Variants in CSMD2 observed in about 807,000 individuals in gnomAD.
CSMD2 encodes CUB and sushi domain-containing protein 2.
Under a neutral mutation model 398.5 loss-of-function variants are expected in CSMD2, and 130 were observed. The observed-to-expected ratio is 0.33, with a 90% CI of 0.28 to 0.38. The LOEUF is 0.38. CSMD2 is among the 10% of genes least tolerant of loss of function. The probability of loss-of-function intolerance (pLI) is 1.00; values close to 1 mark genes in which losing one functional copy is unlikely to be tolerated. For missense variants in CSMD2, 3,829 were observed against 4,764.9 expected, an observed-to-expected ratio of 0.80 and a Z score of 5.78; for synonymous variants, 1,828 against 1,908.5, an observed-to-expected ratio of 0.96 and a Z score of 1.10.
intron 26 of CSMD2, 73 bp from the exon 27 acceptor site, chr1:33,658,210 C>T (rs1329080514): frequency 2.0e-5 from 26 of 1,317,460 alleles, no homozygotes; most frequent in Non-Finnish European, 2.5e-5. Context: ...CAGCTCATCA[C>T]CCTCACTGAT....
intron 32 of CSMD2, among the ~76,000 whole-genome samples, chr1:33,631,364 G>A (rs940717091): frequency 1.3e-5 from 2 of 151,888 alleles, no homozygotes; most frequent in Non-Finnish European, 2.9e-5. Flanking sequence ...CAATAACCAT[G>A]GAAGAAAATA....
chr1:33,591,384 T>G (rs1221274839), intron 44 of CSMD2, among the ~76,000 whole-genome samples: 1 of 152,194 alleles, frequency 6.6e-6, no homozygotes, highest in East Asian at 1.9e-4. Flanking sequence ...TGCTTTTGAA[T>G]CTGGGGTCCA....
At chr1:34,037,036 G>T (rs368971801) in intron 2 of CSMD2, among the ~76,000 whole-genome samples, 15 of 152,196 alleles carry the variant, frequency 9.9e-5, no homozygotes, top group African/African-American at 3.6e-4. Context: ...ACATTGCAGA[G>T]ATCTACCTGC....
At chr1:34,152,162 T>C (rs898295189) in intron 1 of CSMD2, among the ~76,000 whole-genome samples, 1 of 152,164 alleles carries the variant, frequency 6.6e-6, no homozygotes. Flanking sequence ...ATTTCCTTTC[T>C]AGATGGAAGT....
chr1:33,665,460 CTTTTTTTTTT>C (rs745495781), intron 25 of CSMD2, among the ~76,000 whole-genome samples: 11 of 73,926 alleles, frequency 1.5e-4, no homozygotes, highest in East Asian at 8.9e-4. Context: ...TTTCTTCTCT[CTTTTTTTTTT>C]TTTTTTTTTT....
rs759298187 is a variant in CSMD2 at position 33,521,533 on chromosome 1, G to C, written c.10527C>G (p.Ser3509=). 6.2e-7 allele frequency: 1 copy of C among 1,612,244 alleles called. No individual in the cohort carries two copies. Among genetic ancestry groups the C allele is most frequent in the African/African-American group, 1.3e-5 (1 of 74,874 alleles). Residue 3509 remains serine, a synonymous_variant, in exon 68 of 71, where the codon TCC becomes TCG. Coordinates refer to ENST00000373381, the MANE Select transcript of CSMD2 (RefSeq NM_001281956.2). The part of the protein sequence containing the change: ...ALDGHVSSES[S]GATFIYQGSV... Reference sequence around the variant, plus strand: ...AGCCTTGGTAGATGAAGGTGGCTCCGGAGGACTCTGACGAGACCTGTGATG... The same window carrying C: ...AGCCTTGGTAGATGAAGGTGGCTCCCGAGGACTCTGACGAGACCTGTGATG...
chr1:33,684,315 TA>T (rs1174051603), intron 25 of CSMD2, among the ~76,000 whole-genome samples: 1 of 152,124 alleles, frequency 6.6e-6, no homozygotes, highest in Non-Finnish European at 1.5e-5. Context: ...TCCCTGAAGT[TA>T]AAAAACAAGG....
chr1:33,705,572 A>G (rs189830340), intron 22 of CSMD2, among the ~76,000 whole-genome samples: 15 of 152,254 alleles, frequency 9.9e-5, no homozygotes, highest in East Asian at 3.9e-4. Flanking sequence ...GCTTACCTGT[A>G]AAATAGTTAA....
intron 28 of CSMD2, 86 bp from the exon 29 acceptor site, chr1:33,646,921 G>T: frequency 1.5e-6 from 2 of 1,348,842 alleles, no homozygotes; most frequent in South Asian, 1.4e-5. Flanking sequence ...AAAGCATAGG[G>T]CCTCCCAGGG....
intron 21 of CSMD2, 111 bp downstream of exon 21, chr1:33,714,476 T>C (rs1228081895): frequency 8.6e-6 from 11 of 1,280,854 alleles, no homozygotes; most frequent in Non-Finnish European, 3.3e-6. Flanking sequence ...GTGTGGTAAG[T>C]GTGGGCTAAG....
chr1:33,664,906 G>A (rs933683293), intron 25 of CSMD2, among the ~76,000 whole-genome samples: 55 of 151,860 alleles, frequency 3.6e-4, no homozygotes, highest in African/African-American at 1.2e-3. Context: ...ATTTATATTC[G>A]CACTAATCAG....
At chr1:33,819,455 C>A (rs1046615994) in intron 9 of CSMD2, among the ~76,000 whole-genome samples, 1 of 152,196 alleles carries the variant, frequency 6.6e-6, no homozygotes, top group Non-Finnish European at 1.5e-5. Flanking sequence ...GTGCCTCACC[C>A]ATTAGACTGT....
In CSMD2 at chr1:34,087,617, TAATAATA is replaced by T. The variant is rs879287922; in HGVS notation, c.404+1353_404+1359del. Among the ~76,000 whole-genome samples, 566 of 93,782 alleles carry T rather than the reference TAATAATA, an allele frequency of 6.0e-3. 19 individuals are homozygous for T. The highest frequency in any genetic ancestry group is 0.055 in the Admixed American group (520 of 9,504). The allele number at this position is 93,782 out of a possible 152,430, so 61.5% of individuals were successfully genotyped here. A position where few individuals can be genotyped will look rare whatever the true frequency, so the allele number is the denominator to read the frequency against. On this transcript the variant is annotated intron_variant, in intron 2 of 70. Coordinates refer to ENST00000373381, the MANE Select transcript of CSMD2 (RefSeq NM_001281956.2). ...AAGTATCCCAGAACTTAAAGTATAA[TAATAATA>T]ATAATAATAATAATAATAATAATAA...
chr1:33,606,291 T>C (rs1342203706), intron 41 of CSMD2, among the ~76,000 whole-genome samples: 1 of 152,180 alleles, frequency 6.6e-6, no homozygotes. Flanking sequence ...GTTCCTACAG[T>C]GGGAATCCTC....
At chr1:33,653,984 C>T (rs1557681247) in intron 27 of CSMD2, among the ~76,000 whole-genome samples, 1 of 152,156 alleles carries the variant, frequency 6.6e-6, no homozygotes, top group Non-Finnish European at 1.5e-5. Flanking sequence ...CATGGAGCCA[C>T]CTCTGGCTGT....
intron 5 of CSMD2, among the ~76,000 whole-genome samples, chr1:33,893,264 C>T (rs1055991274): frequency 2.6e-5 from 4 of 152,166 alleles, no homozygotes; most frequent in Admixed American, 6.5e-5. Context: ...CTACTTACCT[C>T]GTAAGCACAA....
At chr1:33,594,779 C>G (rs1278953025) in intron 44 of CSMD2, among the ~76,000 whole-genome samples, 1 of 152,138 alleles carries the variant, frequency 6.6e-6, no homozygotes, top group Non-Finnish European at 1.5e-5. Flanking sequence ...CTCGCTGATT[C>G]TTGTGATGAT....
chr1:33,537,505 G>A lies in CSMD2; in HGVS notation c.9736C>T (p.Leu3246=). ...CAAAACCTGCGTGGAGAGCCCACCA[G>A]CACCAGAGGGGGATGGCAGGAGAAG... ...VSFSCHPPLV[L]VGSPRRFCQS... Residue 3246 remains leucine, a synonymous_variant, in exon 61 of 71, where the codon CTG becomes TTG. Transcript: ENST00000373381. This position sits in a 1 kb window ranked among gnomAD's most constrained non-coding sequence, Gnocchi z 4.6. 1 of 1,614,206 alleles carries A rather than the reference G, an allele frequency of 6.2e-7. No individual in the cohort carries two copies. Among genetic ancestry groups the A allele is most frequent in the South Asian group, 1.1e-5 (1 of 91,088 alleles).
At chr1:33,566,603 G>T (rs1159966058) in intron 53 of CSMD2, among the ~76,000 whole-genome samples, 1 of 152,246 alleles carries the variant, frequency 6.6e-6, no homozygotes, top group Non-Finnish European at 1.5e-5. Flanking sequence ...AATGGTCAAA[G>T]GTGCATCAGG....
Sources: allele counts gnomAD v4.1 joint callset (sites outside exome capture counted in the v4.1 genomes callset), GRCh38; gene constraint gnomAD v4.1.1; non-coding constraint Gnocchi (gnomAD v3.1); transcripts MANE v1.5; gene names NCBI Gene and HGNC (gene_info 2026-07-23, HGNC 2026-07-21).